HDAC9: variants seen among roughly 807,000 people sequenced by gnomAD.
HDAC9 encodes the protein histone deacetylase 9, also known as MEF-2 interacting transcription repressor (MITR) protein.
Under a neutral mutation model 139.4 loss-of-function variants are expected in HDAC9, and 41 were observed. The observed-to-expected ratio is 0.29, with a 90% CI of 0.23 to 0.38. The LOEUF (loss-of-function observed/expected upper bound fraction) is 0.38, where lower values mean the gene tolerates loss of function less well. Ranked by LOEUF, HDAC9 falls within the 10% of genes least tolerant of loss-of-function variation. The pLI is 1.00. For missense variants in HDAC9, 1,147 were observed against 1,297.0 expected, an observed-to-expected ratio of 0.88 and a Z score of 1.78; for synonymous variants, 517 against 476.2, an observed-to-expected ratio of 1.09 and a Z score of -1.12.
chr7:18,564,056 C>G (rs978042645), intron 2 of HDAC9, among the ~76,000 whole-genome samples: 2 of 151,996 alleles, frequency 1.3e-5, no homozygotes, highest in African/African-American at 4.8e-5. Flanking sequence ...AGGATGGTCT[C>G]GAGCTCCTGA....
At chr7:18,296,997 C>T (rs1233662121) in intron 1 of HDAC9, among the ~76,000 whole-genome samples, 2 of 152,222 alleles carry the variant, frequency 1.3e-5, no homozygotes, top group Non-Finnish European at 1.5e-5. Context: ...CTTGTACTTG[C>T]CATGGAAGCA....
chr7:18,850,312 A>G (rs1030323257), intron 21 of HDAC9, among the ~76,000 whole-genome samples: 4 of 152,160 alleles, frequency 2.6e-5, no homozygotes, highest in Non-Finnish European at 4.4e-5. Context: ...TGCTTGGCCA[A>G]TGATGATGTG....
At chr7:18,968,921 T>C (rs2129333340) in intron 24 of HDAC9, among the ~76,000 whole-genome samples, 1 of 121,904 alleles carries the variant, frequency 8.2e-6, no homozygotes, top group South Asian at 2.8e-4. Context: ...ATCTCGCCAT[T>C]GCACTCCAGC....
At position 18,482,124 on chromosome 7, in the gene HDAC9, T is replaced by C. The variant is rs149876483; in HGVS notation, c.-41-14138T>C. On this transcript the variant is annotated intron_variant, in intron 1 of 3. Transcript: ENST00000413509. ...CTGTAACTCTGAGTGTGCTCTGCAC[T>C]TTCTCTGCAAAATTAAGGTGATGGA... Among the ~76,000 whole-genome samples the C allele has an allele frequency of 7.9e-3, 1,197 of 152,082 alleles. 21 individuals are homozygous for C. Among genetic ancestry groups the C allele is most frequent in the African/African-American group, 0.028 (1,163 of 41,476 alleles).
At chr7:18,197,021 C>T (rs1014717659) in intron 2 of HDAC9, among the ~76,000 whole-genome samples, 3 of 152,110 alleles carry the variant, frequency 2.0e-5, no homozygotes, top group Non-Finnish European at 4.4e-5. Context: ...GGGGATGGGC[C>T]TCATGCAATT....
chr7:18,496,387 A>G, intron 2 of HDAC9, 63 bp downstream of exon 2: 1 of 1,380,110 alleles, frequency 7.2e-7, no homozygotes, highest in Non-Finnish European at 1.0e-6. Flanking sequence ...TGGGAAATGC[A>G]GCTAAGAAAA....
intron 2 of HDAC9, among the ~76,000 whole-genome samples, chr7:18,236,395 A>C (rs1793817505): frequency 6.6e-6 from 1 of 152,206 alleles, no homozygotes; most frequent in African/African-American, 2.4e-5. Context: ...AAGAGAAGGC[A>C]TGAGTGTCTT....
chr7:18,177,847 G>A (rs1003687350), intron 2 of HDAC9, among the ~76,000 whole-genome samples: 15 of 152,250 alleles, frequency 9.9e-5, no homozygotes, highest in African/African-American at 3.6e-4. Context: ...AAGAATAAAG[G>A]GCACTTTGTG....
intron 17 of HDAC9, among the ~76,000 whole-genome samples, chr7:18,804,204 G>T (rs1262000373): frequency 6.6e-6 from 1 of 152,132 alleles, no homozygotes; most frequent in Non-Finnish European, 1.5e-5. Flanking sequence ...GATATGTGGG[G>T]AAAGAATATT....
chr7:18,390,047 A>AACACACAC (rs60514746), intron 1 of HDAC9, among the ~76,000 whole-genome samples: 12,102 of 130,372 alleles, frequency 0.093, 726 homozygotes, highest in South Asian at 0.16. Context: ...AGAGAAAGAC[A>AACACACAC]ACACACACAC....
At chr7:18,711,932 CTTT>C (rs10713737) in intron 12 of HDAC9, among the ~76,000 whole-genome samples, 19 of 142,968 alleles carry the variant, frequency 1.3e-4, no homozygotes, top group South Asian at 2.2e-4. Context: ...CACCATACTT[CTTT>C]TTTTTTTTTT....
chr7:18,502,085 T>TG (rs1278855868), intron 2 of HDAC9, among the ~76,000 whole-genome samples: 2 of 152,116 alleles, frequency 1.3e-5, no homozygotes, highest in African/African-American at 4.8e-5. Context: ...CAAACTGACT[T>TG]GTAGCAGTTC....
chr7:18,537,015 C>T (rs1044675098), intron 2 of HDAC9, among the ~76,000 whole-genome samples: 6 of 152,176 alleles, frequency 3.9e-5, no homozygotes, highest in African/African-American at 1.4e-4. Context: ...AACACATTTC[C>T]ACGTTCTCCT....
chr7:18,729,725 G>A (rs957193222), intron 13 of HDAC9, among the ~76,000 whole-genome samples: 1 of 152,046 alleles, frequency 6.6e-6, no homozygotes, highest in Non-Finnish European at 1.5e-5. Flanking sequence ...ATCAAAGCAT[G>A]TATTCCAAAA....
At chr7:18,408,228 T>C (rs966976562) in intron 1 of HDAC9, among the ~76,000 whole-genome samples, 1 of 152,208 alleles carries the variant, frequency 6.6e-6, no homozygotes, top group African/African-American at 2.4e-5. Context: ...CACTAGATTA[T>C]CAGCTACATG....
At chr7:18,188,229 A>T (rs1290602373) in intron 2 of HDAC9, among the ~76,000 whole-genome samples, 3 of 152,202 alleles carry the variant, frequency 2.0e-5, no homozygotes, top group Non-Finnish European at 4.4e-5. Flanking sequence ...GACAAAACTG[A>T]CAAAAACAAG....
At chr7:18,940,933 G>C (rs964914837) in intron 23 of HDAC9, among the ~76,000 whole-genome samples, 1 of 152,102 alleles carries the variant, frequency 6.6e-6, no homozygotes, top group Non-Finnish European at 1.5e-5. Context: ...GTAGTGAGTT[G>C]AGAACATGGC....
chr7:18,331,465 C>T (rs1383775723), intron 1 of HDAC9, among the ~76,000 whole-genome samples: 1 of 151,576 alleles, frequency 6.6e-6, no homozygotes, highest in Non-Finnish European at 1.5e-5. Flanking sequence ...AGGAATATAG[C>T]ACTACCTTTT....
intron 11 of HDAC9, among the ~76,000 whole-genome samples, chr7:18,652,674 C>T (rs1033807227): frequency 6.6e-6 from 1 of 152,020 alleles, no homozygotes; most frequent in Non-Finnish European, 1.5e-5. Flanking sequence ...CTGATTCATG[C>T]CTAGCAGTTT....
Sources: gnomAD v4.1 joint callset for allele counts (sites outside exome capture counted in the v4.1 genomes callset) on GRCh38, gnomAD v4.1.1 for gene constraint, MANE v1.5 for transcripts, NCBI Gene and HGNC (gene_info 2026-07-23, HGNC 2026-07-21) for gene names.